Variants in CPAMD8 observed in about 807,000 individuals in gnomAD.
CPAMD8 encodes the protein C3 and PZP-like alpha-2-macroglobulin domain-containing protein 8.
A neutral mutation model predicts 224.7 loss-of-function variants in CPAMD8; 146 were observed. The observed-to-expected ratio is 0.65, with a 90% CI of 0.57 to 0.75. The LOEUF (loss-of-function observed/expected upper bound fraction) is 0.75, where lower values mean the gene tolerates loss of function less well. CPAMD8 is among the 30% of genes least tolerant of loss of function. CPAMD8 has a pLI of 0.00. For synonymous variants in CPAMD8, 966 were observed against 1,044.6 expected, an observed-to-expected ratio of 0.92 and a Z score of 1.45; for missense variants, 2,301 against 2,537.5, an observed-to-expected ratio of 0.91 and a Z score of 2.00.
At chr19:16,900,521 C>T (rs1002594786) in intron 36 of CPAMD8, among the ~76,000 whole-genome samples, 2 of 151,964 alleles carry the variant, frequency 1.3e-5, no homozygotes, top group African/African-American at 2.4e-5. Flanking sequence ...TTGCTTGAAC[C>T]GGGGAGGTGG....
rs1244446883 is a variant in CPAMD8 at position 16,914,653 on chromosome 19, T to C, written c.3786+4A>G. The C allele has an allele frequency of 4.3e-6, 7 of 1,613,882 alleles. No individual in the cohort carries two copies. The South Asian group carries it at 4.4e-5, about 10-fold the overall frequency. On this transcript the variant is annotated splice_donor_region_variant and intron_variant, in intron 28 of 41. Coordinates refer to ENST00000443236, the MANE Select transcript of CPAMD8 (RefSeq NM_015692.5). Reference sequence around the variant, plus strand: ...CCGGGAAGGAGGCTCAAGGGGCCACTCACCTGGATGTCCTTGTTCAGGACC... The same window carrying C: ...CCGGGAAGGAGGCTCAAGGGGCCACCCACCTGGATGTCCTTGTTCAGGACC...
At chr19:16,906,336 C>CT in intron 30 of CPAMD8, among the ~76,000 whole-genome samples, 3 of 122,966 alleles carry the variant, frequency 2.4e-5, no homozygotes, top group African/African-American at 9.6e-5. Context: ...TTCCTTCTTT[C>CT]CCTTTCTTTC....
rs201809454 is a variant in CPAMD8 at position 17,008,530 on chromosome 19, C to T, written c.534G>A (p.Trp178Ter). ...LDPRGSRMIE[W>*]RHLKPFCCGI... ...CGCAGCAGAACGGCTTTAAGTGTCT[C>T]CACTCTATCATCCGAGAGCCTCGGG... The change falls in exon 7 of 42, where the codon TGG becomes TGA. Residue 178 changes from tryptophan (W) to a stop codon, truncating the protein, a stop_gained. Transcript: ENST00000443236. LOFTEE classifies it high-confidence loss of function. 1.9e-5 allele frequency: 30 copies of T among 1,613,502 alleles called. No individual in the cohort carries two copies. The Admixed American group carries it at 2.0e-4, about 11-fold the overall frequency.
At chr19:16,995,187 G>A (rs985217159) in intron 11 of CPAMD8, among the ~76,000 whole-genome samples, 1 of 152,188 alleles carries the variant, frequency 6.6e-6, no homozygotes, top group Non-Finnish European at 1.5e-5. Context: ...AGAAGAGAAA[G>A]GAGGTTCCAA....
chr19:17,016,160 G>A (rs1031637230), intron 3 of CPAMD8, among the ~76,000 whole-genome samples: 17 of 152,068 alleles, frequency 1.1e-4, no homozygotes, highest in African/African-American at 4.1e-4. Flanking sequence ...CAACTATGTT[G>A]CCCAGGCTGG....
At chr19:16,955,420 G>A (rs2054438840) in intron 19 of CPAMD8, among the ~76,000 whole-genome samples, 1 of 152,142 alleles carries the variant, frequency 6.6e-6, no homozygotes, top group Non-Finnish European at 1.5e-5. Flanking sequence ...CTTACAGGCG[G>A]TCCCTAGAAT....
At chr19:16,982,368 G>A (rs904606905) in intron 13 of CPAMD8, among the ~76,000 whole-genome samples, 1 of 151,724 alleles carries the variant, frequency 6.6e-6, no homozygotes, top group African/African-American at 2.4e-5. Context: ...CCCTAGCCTG[G>A]GCAACAGAGT....
intron 7 of CPAMD8, among the ~76,000 whole-genome samples, chr19:17,005,418 C>T (rs778364862): frequency 2.0e-5 from 3 of 147,790 alleles, no homozygotes; most frequent in Non-Finnish European, 3.0e-5. Flanking sequence ...CCCAACTGAA[C>T]TAGAGCACGC....
At chr19:17,021,368 C>A (rs2056952448) in intron 2 of CPAMD8, among the ~76,000 whole-genome samples, 1 of 152,140 alleles carries the variant, frequency 6.6e-6, no homozygotes, top group Non-Finnish European at 1.5e-5. Flanking sequence ...CTAGAAGCTT[C>A]CACATTTCCA....
intron 25 of CPAMD8, 92 bp downstream of exon 25, chr19:16,927,917 C>T: frequency 1.1e-6 from 1 of 941,050 alleles, no homozygotes; most frequent in Non-Finnish European, 1.7e-6. Context: ...GACACAGGTC[C>T]CCAGCAAAGC....
intron 29 of CPAMD8, among the ~76,000 whole-genome samples, chr19:16,913,534 G>A (rs979109053): frequency 4.7e-4 from 72 of 152,156 alleles, no homozygotes; most frequent in African/African-American, 1.6e-3. Flanking sequence ...CCTGTGCCTT[G>A]GTCTTGGACT....
rs62126004 is a variant in CPAMD8, at chr19:17,004,358, G to A, written c.588C>T (p.Ser196=). Residue 196 remains serine (S), a synonymous_variant, in exon 8 of 42, where the codon TCC becomes TCT. Coordinates refer to ENST00000443236, the MANE Select transcript of CPAMD8 (RefSeq NM_015692.5). ...CGITNMSFPL[S]DQPVLGEWFI... ...ACCATTCTCCCAACACAGGCTGGTC[G>A]GACAAGGGGAAGCTCATGTTGGTGA... 0.018 allele frequency: 28,711 copies of A among 1,612,774 alleles called. 352 individuals are homozygous for A. Among genetic ancestry groups the A allele is most frequent in the Non-Finnish European group, 0.021 (24,252 of 1,178,834 alleles).
At chr19:16,900,260 A>G (rs1249407163) in intron 36 of CPAMD8, among the ~76,000 whole-genome samples, 6 of 152,108 alleles carry the variant, frequency 3.9e-5, no homozygotes, top group Non-Finnish European at 7.4e-5. Context: ...ACCCAGGGCC[A>G]AAGCACATGG....
At chr19:16,946,933 C>G in intron 21 of CPAMD8, 141 bp downstream of exon 21, 2 of 804,806 alleles carry the variant, frequency 2.5e-6, no homozygotes, top group Non-Finnish European at 3.7e-6. Context: ...CCTGCTTGCC[C>G]CAGTTGCTGT....
intron 23 of CPAMD8, among the ~76,000 whole-genome samples, chr19:16,932,607 A>G (rs899274671): frequency 6.6e-5 from 10 of 152,198 alleles, no homozygotes; most frequent in Admixed American, 1.3e-4. Context: ...AGAAGAAAGA[A>G]TTTCAGAACT....
rs566718996 is a variant in CPAMD8 at position 17,000,017 on chromosome 19, A to G, written c.867+397T>C. Among the ~76,000 whole-genome samples the G allele has an allele frequency of 1.6e-4, 24 of 152,298 alleles. No individual in the cohort carries two copies. The South Asian group carries it at 3.3e-3, about 21-fold the overall frequency. On this transcript the variant is annotated intron_variant, in intron 10 of 41. Transcript: ENST00000443236. Reference sequence around the variant, plus strand: ...TTAACTTTACTTACAATAACCTGTGAGGAAACACATCAAAATATCGATAGT... The same window carrying G: ...TTAACTTTACTTACAATAACCTGTGGGGAAACACATCAAAATATCGATAGT...
intron 12 of CPAMD8, among the ~76,000 whole-genome samples, chr19:16,990,720 G>A (rs756624972): frequency 5.9e-5 from 9 of 151,532 alleles, no homozygotes; most frequent in South Asian, 2.1e-4. Context: ...AAAATTAGCC[G>A]GGCATGGTGG....
intron 20 of CPAMD8, among the ~76,000 whole-genome samples, chr19:16,951,707 C>T (rs1223652405): frequency 6.6e-6 from 1 of 152,110 alleles, no homozygotes; most frequent in African/African-American, 2.4e-5. Flanking sequence ...GTCCCCACCT[C>T]CTCCTCACCC....
chr19:17,009,193 A>G, intron 6 of CPAMD8, 110 bp downstream of exon 6: 3 of 1,587,766 alleles, frequency 1.9e-6, no homozygotes, highest in Non-Finnish European at 2.6e-6. Context: ...CTTGTAAGGC[A>G]CAGCGGCTCA....
Sources: allele counts gnomAD v4.1 joint callset (sites outside exome capture counted in the v4.1 genomes callset), GRCh38; gene constraint gnomAD v4.1.1; transcripts MANE v1.5; gene names NCBI Gene and HGNC (gene_info 2026-07-23, HGNC 2026-07-21).